The following PPARA variants were observed in gnomAD, a reference collection of about 807,000 sequenced individuals.
PPARA encodes the protein peroxisome proliferator activated receptor alpha, also known as peroxisome proliferator-activated receptor alpha.
Under a neutral mutation model 42.2 loss-of-function variants are expected in PPARA, and 22 were observed. That is an observed-to-expected ratio of 0.52 (90% CI 0.37 to 0.74). The LOEUF (loss-of-function observed/expected upper bound fraction) is 0.74, where lower values mean the gene tolerates loss of function less well. Ranked by LOEUF, PPARA falls within the 30% of genes least tolerant of loss-of-function variation. The probability of loss-of-function intolerance (pLI) is 0.00; values close to 1 mark genes in which losing one functional copy is unlikely to be tolerated. For missense variants in PPARA, 465 were observed against 608.2 expected (o/e 0.76, Z 2.48); for synonymous variants, 242 against 239.3 (o/e 1.01, Z -0.10).
Position 46,193,953 on chromosome 22 carries a change from C to T in PPARA, c.-42-4389C>T, listed in dbSNP as rs879837818. 2.6e-5 allele frequency among the ~76,000 whole-genome samples: 4 copies of T among 152,168 alleles called. No individual in the cohort carries two copies. The highest frequency in any genetic ancestry group is 1.9e-4 in the East Asian group (1 of 5,190). ...ACTGGCCAGCCTGGTTCACTCTTCT[C>T]GATTAGCTGGACAGCGGCATGTCAT... On this transcript the variant is annotated intron_variant, in intron 3 of 8. Coordinates refer to ENST00000407236, the MANE Select transcript of PPARA (RefSeq NM_005036.6). This position sits in a 1 kb window ranked among gnomAD's most constrained non-coding sequence, Gnocchi z 5.3.
At chr22:46,214,861 G>C (rs111241660) in intron 4 of PPARA, among the ~76,000 whole-genome samples, 9 of 151,476 alleles carry the variant, frequency 5.9e-5, no homozygotes, top group South Asian at 4.2e-4. Flanking sequence ...GGAGACGCGC[G>C]GGCCCGGAGA....
intron 3 of PPARA, among the ~76,000 whole-genome samples, chr22:46,194,199 G>A (rs1931922309): frequency 6.6e-6 from 1 of 152,196 alleles, no homozygotes; most frequent in Non-Finnish European, 1.5e-5. Context: ...TTTGTTCAAT[G>A]ATCCGTATAC....
Position 46,174,442 on chromosome 22 carries a change from T to C in PPARA, c.-126-2311T>C, listed in dbSNP as rs540389981. 1.1e-3 allele frequency among the ~76,000 whole-genome samples: 170 copies of C among 152,196 alleles called. 1 individual carries two copies. Among genetic ancestry groups the C allele is most frequent in the African/African-American group, 4.0e-3 (168 of 41,494 alleles). On this transcript the variant is annotated intron_variant, in intron 2 of 8. Coordinates refer to ENST00000407236, the MANE Select transcript of PPARA (RefSeq NM_005036.6). ...AATAAAAGAGACAGTTTCTATGTTATATATCCTAGCTATGTTTACCATGTC... is the reference window on the plus strand; with the variant it reads ...AATAAAAGAGACAGTTTCTATGTTACATATCCTAGCTATGTTTACCATGTC...
At position 46,180,894 on chromosome 22, in the gene PPARA, C is replaced by A. The variant is rs540402187; in HGVS notation, c.-43+4058C>A. Among the ~76,000 whole-genome samples, 1 of 152,250 alleles carries A rather than the reference C, an allele frequency of 6.6e-6. No individual in the cohort carries two copies. Among genetic ancestry groups the A allele is most frequent in the Admixed American group, 6.5e-5 (1 of 15,276 alleles). ...CGAGGGAGACCTGGGACCTTTGGTG[C>A]CAATGGGAGGACTTTAGCCCGGAAA... On this transcript the variant is annotated intron_variant, in intron 3 of 8. Coordinates refer to ENST00000407236, the MANE Select transcript of PPARA (RefSeq NM_005036.6). This position sits in a 1 kb window ranked among gnomAD's most constrained non-coding sequence, Gnocchi z 4.2.
intron 7 of PPARA, among the ~76,000 whole-genome samples, chr22:46,226,468 G>A (rs2147653811): frequency 6.6e-6 from 1 of 152,322 alleles, no homozygotes; most frequent in East Asian, 1.9e-4. Context: ...GAAGAAAGTA[G>A]GAATTGGGCG....
chr22:46,175,592 T>C (rs1940352203), intron 2 of PPARA, among the ~76,000 whole-genome samples: 1 of 151,908 alleles, frequency 6.6e-6, no homozygotes, highest in African/African-American at 2.4e-5. Context: ...CGGGCGCCTG[T>C]AGTCCCAGCT....
Position 46,182,944 on chromosome 22 carries a change from CATG to C in PPARA, c.-43+6111_-43+6113del, listed in dbSNP as rs1477153588. On this transcript the variant is annotated intron_variant, in intron 3 of 8. Coordinates refer to ENST00000407236, the MANE Select transcript of PPARA (RefSeq NM_005036.6). This position sits in a 1 kb window ranked among gnomAD's most constrained non-coding sequence, Gnocchi z 5.2. Reference sequence around the variant, plus strand: ...ATTTTTAGTAAAGACAGGGTTTCGCCATGATTGCCAGGCTGGTCTTGAACTCCT... The same window carrying C: ...ATTTTTAGTAAAGACAGGGTTTCGCCATTGCCAGGCTGGTCTTGAACTCCT... Among the ~76,000 whole-genome samples the C allele has an allele frequency of 1.3e-5, 2 of 152,108 alleles. No homozygotes were observed. The highest frequency in any genetic ancestry group is 2.9e-5 in the Non-Finnish European group (2 of 68,022).
At chr22:46,228,073 A>G (rs1335115570) in intron 7 of PPARA, among the ~76,000 whole-genome samples, 6 of 152,232 alleles carry the variant, frequency 3.9e-5, no homozygotes, top group Non-Finnish European at 8.8e-5. Flanking sequence ...GAAATGAGAT[A>G]TTTGTTACCA....
intron 4 of PPARA, among the ~76,000 whole-genome samples, chr22:46,214,060 A>G (rs888954826): frequency 1.3e-5 from 2 of 152,106 alleles, no homozygotes; most frequent in African/African-American, 4.8e-5. Context: ...TTTCTCTTTC[A>G]TGGATTGTGC....
chr22:46,198,425 C>T lies in PPARA; in HGVS notation c.42C>T (p.Leu14=), dbSNP rs371776861. 2 of 1,613,710 alleles carry T rather than the reference C, an allele frequency of 1.2e-6. No individual in the cohort carries two copies. The highest frequency in any genetic ancestry group is 2.2e-5 in the East Asian group (1 of 44,886). The part of the protein sequence containing the change: ...TESPLCPLSP[L]EAGDLESPLS... Reference sequence around the variant, plus strand: ...GCCCACTCTGCCCCCTCTCCCCACTCGAGGCCGGCGATCTAGAGAGCCCGT... The same window carrying T: ...GCCCACTCTGCCCCCTCTCCCCACTTGAGGCCGGCGATCTAGAGAGCCCGT... Residue 14 remains leucine (L), a synonymous_variant, in exon 4 of 9, where the codon CTC becomes CTT. Transcript: ENST00000407236.
In PPARA at chr22:46,222,576, T is replaced by C. The variant is rs1282837432; in HGVS notation, c.711+2562T>C. ...ACCCACACTAGGCAGCTCCAGAGGC[T>C]TGTCCCAATTAGAACTTTCCTGGAT... On this transcript the variant is annotated intron_variant, in intron 7 of 8. Transcript: ENST00000407236. The surrounding 1 kb of genome is among the most constrained non-coding windows in gnomAD (Gnocchi z 5.9). 6.6e-6 allele frequency among the ~76,000 whole-genome samples: 1 copy of C among 152,228 alleles called. No individual in the cohort carries two copies. The highest frequency in any genetic ancestry group is 1.5e-5 in the Non-Finnish European group (1 of 68,040).
At position 46,219,909 on chromosome 22, in the gene PPARA, T is replaced by C; in HGVS notation, c.606T>C (p.Asp202=). ...ACATAGAAGATTCTGAAACTGCAGATCTCAAATCTCTGGCCAAGAGAATCT... is the reference window on the plus strand; with the variant it reads ...ACATAGAAGATTCTGAAACTGCAGACCTCAAATCTCTGGCCAAGAGAATCT... ...EHDIEDSETA[D]LKSLAKRIYE... Residue 202 remains aspartate (D), a synonymous_variant, in exon 7 of 9, where the codon GAT becomes GAC. Transcript: ENST00000407236. The surrounding 1 kb of genome is among the most constrained non-coding windows in gnomAD (Gnocchi z 4.8). 1 of 1,614,184 alleles carries C rather than the reference T, an allele frequency of 6.2e-7. No individual in the cohort carries two copies. Among genetic ancestry groups the C allele is most frequent in the South Asian group, 1.1e-5 (1 of 91,088 alleles).
In PPARA at chr22:46,193,872, G is replaced by A. The variant is rs1370118879; in HGVS notation, c.-42-4470G>A. Among the ~76,000 whole-genome samples, 1 of 152,202 alleles carries A rather than the reference G, an allele frequency of 6.6e-6. No homozygotes were observed. Among genetic ancestry groups the A allele is most frequent in the African/African-American group, 2.4e-5 (1 of 41,448 alleles). ...CAGAGGTTGCAGTTGTTGAGAAAAG[G>A]GATGGTTGGTTATGCCTTGATCCCC... is the stretch of plus-strand genomic sequence containing the variant. On this transcript the variant is annotated intron_variant, in intron 3 of 8. Coordinates refer to ENST00000407236, the MANE Select transcript of PPARA (RefSeq NM_005036.6). The surrounding 1 kb of genome is among the most constrained non-coding windows in gnomAD (Gnocchi z 5.3).
chr22:46,231,067 G>A lies in PPARA; in HGVS notation c.712-725G>A, dbSNP rs528918764. On this transcript the variant is annotated intron_variant, in intron 7 of 8. Coordinates refer to ENST00000407236, the MANE Select transcript of PPARA (RefSeq NM_005036.6). The surrounding 1 kb of genome is among the most constrained non-coding windows in gnomAD (Gnocchi z 7.7). Reference sequence around the variant, plus strand: ...TTCTTGTTTCTTTTTTTTTTGAGACGGAGTCTTACTCTCGCTCTGTCGCCC... The same window carrying A: ...TTCTTGTTTCTTTTTTTTTTGAGACAGAGTCTTACTCTCGCTCTGTCGCCC... Among the ~76,000 whole-genome samples, 289 of 151,622 alleles carry A rather than the reference G, an allele frequency of 1.9e-3. No individual in the cohort carries two copies. The highest frequency in any genetic ancestry group is 2.0e-3 in the Admixed American group (31 of 15,236).
At position 46,241,209 on chromosome 22, in the gene PPARA, T is replaced by C. The variant is rs1936362270; in HGVS notation, c.*5829T>C. 1 of 152,218 alleles carries C rather than the reference T, an allele frequency of 6.6e-6. No homozygotes were observed. Among genetic ancestry groups the C allele is most frequent in the South Asian group, 2.1e-4 (1 of 4,834 alleles). The allele number at this position is 152,218 out of a possible 1,614,324, so 9.4% of individuals were successfully genotyped here. A position where few individuals can be genotyped will look rare whatever the true frequency, so the allele number is the denominator to read the frequency against. On this transcript the variant is annotated 3_prime_UTR_variant, in exon 9 of 9. Transcript: ENST00000407236. The surrounding 1 kb of genome is among the most constrained non-coding windows in gnomAD (Gnocchi z 5.7). ...GGTTCCAAAGTTGAGGCCTAGGTTT[T>C]TGCTGGGATTTAGATATTTTCAGGC...
Position 46,215,223 on chromosome 22 carries a change from C to A in PPARA, c.259C>A (p.Pro87Thr). Residue 87 changes from proline to threonine, a missense_variant, in exon 5 of 9, where the codon CCC (proline) becomes ACC (threonine). Pro to Thr is a conservative substitution (Grantham distance 38). This residue lies in a region of PPARA where 152 missense variants were observed against 139.1 expected (regional missense o/e 1.09). Transcript: ENST00000407236. ...CTCCTCGGTGACTTATCCTGTGGTCCCCGGCAGCGTGGACGAGTCTCCCAG... is the reference window on the plus strand; with the variant it reads ...CTCCTCGGTGACTTATCCTGTGGTCACCGGCAGCGTGGACGAGTCTCCCAG... ...SPSSVTYPVVPGSVDESPSGA... is the reference protein window; with the variant it reads ...SPSSVTYPVVTGSVDESPSGA... 1 of 1,614,138 alleles carries A rather than the reference C, an allele frequency of 6.2e-7. No homozygotes were observed. Among genetic ancestry groups the A allele is most frequent in the South Asian group, 1.1e-5 (1 of 91,084 alleles).
rs544437300 is a variant in PPARA, at chr22:46,234,296, T to C, written c.1160-837T>C. On this transcript the variant is annotated intron_variant, in intron 8 of 8. Transcript: ENST00000407236. This position sits in a 1 kb window ranked among gnomAD's most constrained non-coding sequence, Gnocchi z 5.8. ...TAGAAATAAAAACTTAATAATTACA[T>C]TTACAACCAAAAACAATGAAGATGT... Among the ~76,000 whole-genome samples, 1 of 152,146 alleles carries C rather than the reference T, an allele frequency of 6.6e-6. No individual in the cohort carries two copies. Among genetic ancestry groups the C allele is most frequent in the African/African-American group, 2.4e-5 (1 of 41,416 alleles).
chr22:46,168,351 C>CAAAAAAAAAAAAAAAAAAAAAAAAAA (rs35345592), intron 2 of PPARA, among the ~76,000 whole-genome samples: 2 of 14,382 alleles, frequency 1.4e-4, no homozygotes, highest in Non-Finnish European at 2.8e-4. Flanking sequence ...GACTCCATCT[C>CAAAAAAAAAAAAAAAAAAAAAAAAAA]AAAAAAAAAA....
At chr22:46,205,657 C>CT (rs895105412) in intron 4 of PPARA, among the ~76,000 whole-genome samples, 8 of 136,858 alleles carry the variant, frequency 5.8e-5, no homozygotes, top group African/African-American at 2.2e-4. Context: ...ACCTCCTTCT[C>CT]TGAGGTTCAA....
Sources: gnomAD v4.1 joint callset for allele counts (sites outside exome capture counted in the v4.1 genomes callset) on GRCh38, gnomAD v4.1.1 for gene constraint, gnomAD v4.1.1 regional missense constraint, Gnocchi (gnomAD v3.1) non-coding constraint, MANE v1.5 for transcripts, NCBI Gene and HGNC (gene_info 2026-07-23, HGNC 2026-07-21) for gene names.